FAF1: variants seen among roughly 807,000 people sequenced by gnomAD.
FAF1 encodes Fas associated factor 1.
In FAF1, 25 loss-of-function variants were observed where a neutral mutation model predicts 92.5. The ratio of observed to expected loss-of-function variants is 0.27; its 90% CI spans 0.20 to 0.38. The LOEUF (loss-of-function observed/expected upper bound fraction) is 0.38. Ranked by LOEUF, FAF1 falls within the 10% of genes least tolerant of loss-of-function variation. The pLI is 1.00. For synonymous variants in FAF1, 234 were observed against 273.2 expected (o/e 0.86, Z 1.42); for missense variants, 636 against 793.3 (o/e 0.80, Z 2.38).
At position 50,441,304 on chromosome 1, in the gene FAF1, C is replaced by T; in HGVS notation, c.*136G>A. 1.9e-6 allele frequency: 1 copy of T among 525,474 alleles called. No homozygotes were observed. The allele number at this position is 525,474 out of a possible 1,614,324, so 32.6% of individuals were successfully genotyped here. ...TAGCTATATTTATTATTACTTTTTC[C>T]AGCAATTTTGCAAGAGGCAGAAGTG... On this transcript the variant is annotated 3_prime_UTR_variant, in exon 19 of 19. Transcript: ENST00000396153.
At chr1:50,625,393 T>C (rs1653453077) in intron 8 of FAF1, among the ~76,000 whole-genome samples, 2 of 152,254 alleles carry the variant, frequency 1.3e-5, no homozygotes, top group Non-Finnish European at 2.9e-5. Context: ...AATGGTATTC[T>C]TGCTTTTGAG....
chr1:50,889,556 T>A (rs529417291), intron 1 of FAF1, among the ~76,000 whole-genome samples: 2 of 152,234 alleles, frequency 1.3e-5, no homozygotes, highest in African/African-American at 4.8e-5. Flanking sequence ...GAGGTTCTGG[T>A]ATGTTGTGTC....
At chr1:50,787,538 C>T (rs984934840) in intron 4 of FAF1, among the ~76,000 whole-genome samples, 37 of 152,190 alleles carry the variant, frequency 2.4e-4, no homozygotes, top group African/African-American at 8.7e-4. Flanking sequence ...AGACATCAAA[C>T]CTTCTAAGCC....
intron 4 of FAF1, among the ~76,000 whole-genome samples, chr1:50,755,766 T>C (rs374909561): frequency 2.0e-5 from 3 of 152,320 alleles, no homozygotes; most frequent in Middle Eastern, 3.4e-3. Flanking sequence ...AATTCTTGAC[T>C]TCTGTGCACT....
chr1:50,584,718 T>C lies in FAF1; in HGVS notation c.934A>G (p.Met312Val), dbSNP rs1370435514. 2 of 1,613,680 alleles carry C rather than the reference T, an allele frequency of 1.2e-6. No individual in the cohort carries two copies. Among genetic ancestry groups the C allele is most frequent in the Non-Finnish European group, 1.7e-6 (2 of 1,179,682 alleles). Reference sequence around the variant, plus strand: ...GATTTTCTCAAGGCAGATGACGCCATGCCAAATACTTCTCCATCATCCACC... The same window carrying C: ...GATTTTCTCAAGGCAGATGACGCCACGCCAAATACTTCTCCATCATCCACC... Reference protein sequence around the residue: ...FGVDDGEVFGMASSALRKSPM... With the variant: ...FGVDDGEVFGVASSALRKSPM... The change falls in exon 10 of 19, where the codon ATG (methionine) becomes GTG (valine). Residue 312 changes from methionine to valine, a missense_variant. Physicochemically the swap from Met to Val is conservative, Grantham distance 21. This residue lies in a region of FAF1 where 319 missense variants were observed against 451.0 expected (regional missense o/e 0.71). Transcript: ENST00000396153.
intron 7 of FAF1, among the ~76,000 whole-genome samples, chr1:50,663,037 G>C (rs905924669): frequency 6.6e-6 from 1 of 151,576 alleles, no homozygotes; most frequent in Non-Finnish European, 1.5e-5. Flanking sequence ...TGGATTTTAC[G>C]ATAAAAGACA....
At chr1:50,837,185 T>C (rs935122155) in intron 2 of FAF1, among the ~76,000 whole-genome samples, 5 of 152,092 alleles carry the variant, frequency 3.3e-5, no homozygotes, top group African/African-American at 1.2e-4. Flanking sequence ...CTTGATCTCC[T>C]GACCTCGTGA....
intron 1 of FAF1, among the ~76,000 whole-genome samples, chr1:50,869,767 A>G (rs1305439612): frequency 6.6e-6 from 1 of 152,064 alleles, no homozygotes; most frequent in Non-Finnish European, 1.5e-5. Flanking sequence ...ATAAAATCCA[A>G]TCTATTCTAT....
intron 13 of FAF1, among the ~76,000 whole-genome samples, chr1:50,553,699 G>T (rs1649418367): frequency 6.6e-6 from 1 of 152,040 alleles, no homozygotes; most frequent in African/African-American, 2.4e-5. Flanking sequence ...ACAGTGAAAA[G>T]AACTAATTAT....
rs191391491 is a variant in FAF1 at position 50,846,943 on chromosome 1, T to G, written c.114+10986A>C. On this transcript the variant is annotated intron_variant, in intron 2 of 18. Coordinates refer to ENST00000396153, the MANE Select transcript of FAF1 (RefSeq NM_007051.3). ...AAGCTTGGCCTTTTATATATAAGAG[T>G]GTATTGCAGGTGCTGTTTGATTTTT... 333 of 261,014 alleles carry G rather than the reference T, an allele frequency of 1.3e-3. 1 individual carries two copies. Among genetic ancestry groups the G allele is most frequent in the Non-Finnish European group, 2.0e-3 (271 of 136,116 alleles). The allele number at this position is 261,014 out of a possible 1,614,324, so 16.2% of individuals were successfully genotyped here.
chr1:50,799,844 CT>C, intron 3 of FAF1, among the ~76,000 whole-genome samples: 1 of 152,184 alleles, frequency 6.6e-6, no homozygotes, highest in Non-Finnish European at 1.5e-5. Flanking sequence ...ATCGTGCCTT[CT>C]ACTTTCAGTG....
intron 4 of FAF1, among the ~76,000 whole-genome samples, chr1:50,759,553 G>A (rs1440025542): frequency 6.6e-6 from 1 of 151,840 alleles, no homozygotes; most frequent in Admixed American, 6.6e-5. Flanking sequence ...GTTTATCATT[G>A]TTGGACATTT....
chr1:50,911,890 A>T (rs1644888413), intron 1 of FAF1, among the ~76,000 whole-genome samples: 1 of 151,874 alleles, frequency 6.6e-6, no homozygotes, highest in African/African-American at 2.4e-5. Context: ...CAGAAAAATC[A>T]ATCAGGCATG....
At chr1:50,940,669 T>C (rs1192487186) in intron 1 of FAF1, among the ~76,000 whole-genome samples, 1 of 152,254 alleles carries the variant, frequency 6.6e-6, no homozygotes, top group Non-Finnish European at 1.5e-5. Context: ...GATATAGATT[T>C]ATACTAACAT....
chr1:50,467,005 G>A (rs931073262), intron 18 of FAF1, among the ~76,000 whole-genome samples: 5 of 152,100 alleles, frequency 3.3e-5, no homozygotes, highest in African/African-American at 1.2e-4. Flanking sequence ...GGTTACCCAC[G>A]CCAGCAGGGA....
intron 1 of FAF1, among the ~76,000 whole-genome samples, chr1:50,945,697 A>G (rs2124757787): frequency 1.3e-5 from 2 of 152,346 alleles, no homozygotes; most frequent in Middle Eastern, 6.8e-3. Flanking sequence ...CATAGTTCAC[A>G]GCTTTAACAA....
chr1:50,724,579 G>A (rs1443805138), intron 6 of FAF1, among the ~76,000 whole-genome samples: 2 of 152,162 alleles, frequency 1.3e-5, no homozygotes, highest in African/African-American at 4.8e-5. Flanking sequence ...CTGTTCACAG[G>A]GAAGATAAAA....
At chr1:50,719,734 T>G (rs1028972049) in intron 6 of FAF1, among the ~76,000 whole-genome samples, 10 of 152,322 alleles carry the variant, frequency 6.6e-5, no homozygotes, top group African/African-American at 2.2e-4. Flanking sequence ...CAATTTTTGT[T>G]TCCTAGAGTA....
chr1:50,772,617 C>T (rs966922576), intron 4 of FAF1, among the ~76,000 whole-genome samples: 1 of 152,122 alleles, frequency 6.6e-6, no homozygotes, highest in Non-Finnish European at 1.5e-5. Flanking sequence ...CCAAATATTG[C>T]ATGTTTTCAC....
Sources: allele counts gnomAD v4.1 joint callset (sites outside exome capture counted in the v4.1 genomes callset), GRCh38; gene constraint gnomAD v4.1.1; regional missense constraint gnomAD v4.1.1; transcripts MANE v1.5; gene names NCBI Gene and HGNC (gene_info 2026-07-23, HGNC 2026-07-21).